The following PRDX4 variants were observed in gnomAD, a reference collection of about 807,000 sequenced individuals.
The protein encoded by PRDX4 is peroxiredoxin 4, also known as peroxiredoxin-4.
PRDX4 carries 12 observed loss-of-function variants against 20.5 expected under a neutral mutation model. That is an observed-to-expected ratio of 0.58 (90% CI 0.37 to 0.95). PRDX4 has a LOEUF of 0.95. Ranked by LOEUF, PRDX4 falls within the 40% of genes least tolerant of loss-of-function variation. The probability of loss-of-function intolerance (pLI) is 0.01; values close to 1 mark genes in which losing one functional copy is unlikely to be tolerated. For missense variants in PRDX4, 180 were observed against 207.3 expected (o/e 0.87, Z 0.81); for synonymous variants, 99 against 87.5 (o/e 1.13, Z -0.73).
rs1305872412 is a variant in PRDX4 at position 23,671,660 on chromosome X, G to A, written c.359+14G>A. 1.9e-6 allele frequency: 2 copies of A among 1,038,229 alleles called. No individual in the cohort carries two copies. The highest frequency in any genetic ancestry group is 2.6e-6 in the Non-Finnish European group (2 of 757,684). The allele number at this position is 1,038,229 out of a possible 1,213,427, so 85.6% of individuals were successfully genotyped here. The stretch of plus-strand genomic sequence containing the variant: ...CCCACTTGATTTGTAAGTAATACAT[G>A]TAAATAGCTAGTAAAATCTCAGTCT... On this transcript the variant is annotated intron_variant, in intron 2 of 6. Coordinates refer to ENST00000379341, the MANE Select transcript of PRDX4 (RefSeq NM_006406.2).
intron 5 of PRDX4, 130 bp downstream of exon 5, chrX:23,682,656 T>A: frequency 2.2e-6 from 1 of 457,457 alleles, no homozygotes; most frequent in African/African-American, 2.7e-5. Context: ...CAGATCCTTT[T>A]AACAGACCAA....
chrX:23,669,251 C>T (rs1927796768), intron 1 of PRDX4, among the ~76,000 whole-genome samples: 1 of 112,161 alleles, frequency 8.9e-6, no homozygotes, highest in South Asian at 3.7e-4. Context: ...CAAAACCAGT[C>T]TTAAATTTTA....
Position 23,682,475 on chromosome X carries a change from G to T in PRDX4, c.679G>T (p.Glu227Ter). Reference sequence around the variant, plus strand: ...TCTTCCTGTGGGTAGATCAGTGGATGAGACACTACGTTTGGTTCAAGCATT... The same window carrying T: ...TCTTCCTGTGGGTAGATCAGTGGATTAGACACTACGTTTGGTTCAAGCATT... ...NDLPVGRSVD[E>*]TLRLVQAFQY... Residue 227 changes from glutamate to a stop codon, truncating the protein, a stop_gained, in exon 5 of 7, where the codon GAG (glutamate) becomes TAG (stop). Transcript: ENST00000379341. LOFTEE classifies it high-confidence loss of function. 1 of 1,183,212 alleles carries T rather than the reference G, an allele frequency of 8.5e-7. No individual in the cohort carries two copies. The highest frequency in any genetic ancestry group is 1.8e-5 in the South Asian group (1 of 54,468).
intron 2 of PRDX4, among the ~76,000 whole-genome samples, chrX:23,672,876 G>A (rs73209264): frequency 0.13 from 14,025 of 111,193 alleles, 849 homozygotes; most frequent in Non-Finnish European, 0.18. Context: ...AAGCCACAAA[G>A]GAAGAATTCT....
At chrX:23,681,548 T>C (rs1222895359) in intron 4 of PRDX4, among the ~76,000 whole-genome samples, 1 of 112,274 alleles carries the variant, frequency 8.9e-6, no homozygotes, top group Non-Finnish European at 1.9e-5. Context: ...TACCAGTAGT[T>C]TCCCCTCTTT....
intron 3 of PRDX4, among the ~76,000 whole-genome samples, chrX:23,677,883 T>C (rs1235047987): frequency 8.9e-6 from 1 of 112,254 alleles, no homozygotes; most frequent in Non-Finnish European, 1.9e-5. Flanking sequence ...TGACTTACGA[T>C]GGTTTGACGT....
chrX:23,672,664 C>A (rs943776085), intron 2 of PRDX4, among the ~76,000 whole-genome samples: 8 of 112,224 alleles, frequency 7.1e-5, no homozygotes, highest in Non-Finnish European at 1.5e-4. Flanking sequence ...TTTTTGGTTA[C>A]AACAAATAAC....
At chrX:23,679,649 G>A (rs1457239417) in intron 4 of PRDX4, among the ~76,000 whole-genome samples, 2 of 104,509 alleles carry the variant, frequency 1.9e-5, no homozygotes, top group African/African-American at 7.1e-5. Flanking sequence ...TCATGCCACT[G>A]CACTCCAGCC....
At chrX:23,674,143 A>G (rs1171901938) in intron 2 of PRDX4, among the ~76,000 whole-genome samples, 1 of 111,361 alleles carries the variant, frequency 9.0e-6, no homozygotes, top group Non-Finnish European at 1.9e-5. Context: ...TTCCTCACCA[A>G]CTAGTTAGTC....
At chrX:23,684,276 G>A (rs926392851) in intron 6 of PRDX4, among the ~76,000 whole-genome samples, 12 of 109,611 alleles carry the variant, frequency 1.1e-4, no homozygotes, top group Non-Finnish European at 1.9e-4. Flanking sequence ...AAAAAAGTAG[G>A]GCAGAGTGGA....
Position 23,670,846 on chromosome X carries a change from G to A in PRDX4, c.242-683G>A, listed in dbSNP as rs1927828989. On this transcript the variant is annotated intron_variant, in intron 1 of 6. Transcript: ENST00000379341. Reference sequence around the variant, plus strand: ...CTCCTCATTTTGTGTAGCCTCATCTGCAGCAGGTCCTCCATGTGTATGTCA... The same window carrying A: ...CTCCTCATTTTGTGTAGCCTCATCTACAGCAGGTCCTCCATGTGTATGTCA... 2.7e-5 allele frequency among the ~76,000 whole-genome samples: 3 copies of A among 111,866 alleles called. No homozygotes were observed. In the South Asian group the frequency reaches 1.1e-3, roughly 41 times the overall value.
chrX:23,686,199 A>C, intron 6 of PRDX4, 86 bp from the exon 7 acceptor site: 1 of 687,829 alleles, frequency 1.5e-6, no homozygotes, highest in South Asian at 3.3e-5. Context: ...ATTTTTAGTC[A>C]AGGCATGGGC....
At chrX:23,679,141 A>G in intron 3 of PRDX4, 24 bp from the exon 4 acceptor site, 1 of 1,202,539 alleles carries the variant, frequency 8.3e-7, no homozygotes, top group Middle Eastern at 2.3e-4. Flanking sequence ...TAGCTCTGAG[A>G]GGTAAGCGTT....
intron 3 of PRDX4, among the ~76,000 whole-genome samples, chrX:23,675,920 G>C (rs1927936876): frequency 9.0e-6 from 1 of 110,749 alleles, no homozygotes; most frequent in South Asian, 3.8e-4. Context: ...CCTGAGGTCG[G>C]GAGTTCGAGA....
chrX:23,667,747 G>A lies in PRDX4; in HGVS notation c.177G>A (p.Val59=). Residue 59 remains valine (V), a synonymous_variant, in exon 1 of 7, where the codon GTG becomes GTA. Coordinates refer to ENST00000379341, the MANE Select transcript of PRDX4 (RefSeq NM_006406.2). ...EECHFYAGGQ[V]YPGEASRVSV... is the part of the protein sequence containing the mutation. ...GCCACTTCTACGCGGGTGGACAAGT[G>A]TACCCGGGAGAGGCATCCCGGGTAT... The A allele has an allele frequency of 8.3e-7, 1 of 1,211,678 alleles. No individual in the cohort carries two copies. The highest frequency in any genetic ancestry group is 1.1e-6 in the Non-Finnish European group (1 of 895,438).
Position 23,679,143 on chromosome X carries a change from G to A in PRDX4, c.477-22G>A, listed in dbSNP as rs764441437. 3 of 1,203,012 alleles carry A rather than the reference G, an allele frequency of 2.5e-6. No homozygotes were observed. The South Asian group carries it at 5.4e-5, about 22-fold the overall frequency. On this transcript the variant is annotated intron_variant, in intron 3 of 6. Coordinates refer to ENST00000379341, the MANE Select transcript of PRDX4 (RefSeq NM_006406.2). ...TATGCCGTTTACTTAGCTCTGAGAGGTAAGCGTTCTGTTTGTTACAGGATT... is the reference window on the plus strand; with the variant it reads ...TATGCCGTTTACTTAGCTCTGAGAGATAAGCGTTCTGTTTGTTACAGGATT...
chrX:23,679,745 G>A (rs763409263), intron 4 of PRDX4, among the ~76,000 whole-genome samples: 55 of 109,992 alleles, frequency 5.0e-4, no homozygotes, highest in Non-Finnish European at 1.5e-4. Context: ...TTGGGAGGCC[G>A]AGGGGGGCAG....
intron 1 of PRDX4, 176 bp from the exon 2 acceptor site, chrX:23,671,353 C>T: frequency 5.6e-6 from 2 of 357,625 alleles, no homozygotes; most frequent in Non-Finnish European, 9.6e-6. Flanking sequence ...TTTTGTAATT[C>T]TATGTATTTT....
At chrX:23,683,125 G>T (rs2146795145) in intron 5 of PRDX4, among the ~76,000 whole-genome samples, 1 of 109,806 alleles carries the variant, frequency 9.1e-6, no homozygotes, top group Non-Finnish European at 1.9e-5. Flanking sequence ...ATGAAGTATA[G>T]TAATGTAATC....
Sources: gnomAD v4.1 joint callset for allele counts (sites outside exome capture counted in the v4.1 genomes callset) on GRCh38, gnomAD v4.1.1 for gene constraint, MANE v1.5 for transcripts, NCBI Gene and HGNC (gene_info 2026-07-23, HGNC 2026-07-21) for gene names.